DTD1: variants seen among roughly 807,000 people sequenced by gnomAD.
DTD1 encodes the protein D-aminoacyl-tRNA deacylase 1.
Under a neutral mutation model 25.6 loss-of-function variants are expected in DTD1, and 13 were observed. The observed-to-expected ratio is 0.51, with a 90% confidence interval of 0.33 to 0.81. DTD1 has a LOEUF of 0.81. Ranked by LOEUF, DTD1 falls within the 30% of genes least tolerant of loss-of-function variation. The pLI is 0.02. For missense variants in DTD1, 193 were observed against 266.4 expected (o/e 0.72, Z 1.92); for synonymous variants, 110 against 103.6 (o/e 1.06, Z -0.37).
chr20:18,724,305 C>T (rs1014292746), intron 4 of DTD1, among the ~76,000 whole-genome samples: 1 of 152,178 alleles, frequency 6.6e-6, no homozygotes, highest in Non-Finnish European at 1.5e-5. Context: ...ACATGGGTAC[C>T]TCCCACTGTG....
rs533736500 is a variant in DTD1, at chr20:18,600,852, G to T, written c.370+4611G>T. 2.9e-4 allele frequency among the ~76,000 whole-genome samples: 44 copies of T among 152,134 alleles called. No homozygotes were observed. In the South Asian group the frequency reaches 7.7e-3, roughly 27 times the overall value. ...ATACCTAAGTGTTTCATTCTGAGGG[G>T]TGCTAATGTAAATGGTATTGTGTTT... On this transcript the variant is annotated intron_variant, in intron 3 of 5. Coordinates refer to ENST00000377452, the MANE Select transcript of DTD1 (RefSeq NM_080820.6).
At chr20:18,622,530 TAATCATG>T (rs1268091193) in intron 3 of DTD1, among the ~76,000 whole-genome samples, 28 of 152,250 alleles carry the variant, frequency 1.8e-4, no homozygotes, top group Non-Finnish European at 4.0e-4. Context: ...ATGCATTTCC[TAATCATG>T]AGCCATGCTG....
chr20:18,735,545 G>C (rs2061251972), intron 4 of DTD1, among the ~76,000 whole-genome samples: 3 of 152,214 alleles, frequency 2.0e-5, no homozygotes, highest in Admixed American at 1.3e-4. Context: ...ATCTGTTCTT[G>C]ATTTTTCGGA....
At chr20:18,708,364 A>T (rs6105949) in intron 4 of DTD1, among the ~76,000 whole-genome samples, 54,896 of 70,320 alleles carry the variant, frequency 0.78, 22,508 homozygotes, top group Non-Finnish European at 0.9. Context: ...CTATATATAT[A>T]TTTTTTTTTG....
chr20:18,629,983 C>A (rs903718843), intron 4 of DTD1, among the ~76,000 whole-genome samples: 7 of 152,032 alleles, frequency 4.6e-5, no homozygotes, highest in Non-Finnish European at 2.9e-5. Flanking sequence ...CTGGGGATTC[C>A]AATTCAACAT....
rs1244223334 is a variant in DTD1, at chr20:18,764,439, G to A, written c.*1099G>A. On this transcript the variant is annotated 3_prime_UTR_variant, in exon 6 of 6. Coordinates refer to ENST00000377452, the MANE Select transcript of DTD1 (RefSeq NM_080820.6). ...TAGCTTTATTTATATATCTAATAAC[G>A]CTCGCATATATGCTCTCTGGAAAAT... is the stretch of plus-strand genomic sequence containing the variant. The A allele has an allele frequency of 2.0e-5, 3 of 152,120 alleles. No individual in the cohort carries two copies. Among genetic ancestry groups the A allele is most frequent in the Non-Finnish European group, 2.9e-5 (2 of 68,018 alleles). The allele number at this position is 152,120 out of a possible 1,614,324, so 9.4% of individuals were successfully genotyped here.
chr20:18,601,498 CAAAAAAAAA>C (rs1175102426), intron 3 of DTD1, among the ~76,000 whole-genome samples: 8 of 110,612 alleles, frequency 7.2e-5, no homozygotes, highest in African/African-American at 1.1e-4. Flanking sequence ...GACTCTGTCT[CAAAAAAAAA>C]AAAAAAAAAA....
At chr20:18,683,642 A>C (rs2061005630) in intron 4 of DTD1, among the ~76,000 whole-genome samples, 1 of 152,196 alleles carries the variant, frequency 6.6e-6, no homozygotes, top group Non-Finnish European at 1.5e-5. Context: ...CATAGGGCCC[A>C]ACAGGCTTTG....
intron 5 of DTD1, among the ~76,000 whole-genome samples, chr20:18,754,056 T>C (rs182271056): frequency 6.8e-6 from 1 of 146,228 alleles, no homozygotes; most frequent in East Asian, 2.0e-4. Context: ...AATAAATAGG[T>C]AAAAAAAAAA....
At chr20:18,704,859 AGCAT>A (rs986433012) in intron 4 of DTD1, among the ~76,000 whole-genome samples, 1 of 152,162 alleles carries the variant, frequency 6.6e-6, no homozygotes, top group African/African-American at 2.4e-5. Context: ...GAGATCAGGA[AGCAT>A]GTCCGGAAGC....
chr20:18,720,423 C>T (rs935958362), intron 4 of DTD1, among the ~76,000 whole-genome samples: 2 of 152,202 alleles, frequency 1.3e-5, no homozygotes, highest in African/African-American at 4.8e-5. Context: ...GCTTTTGTCC[C>T]TGAATTACCT....
At position 18,766,491 on chromosome 20, in the gene DTD1, C is replaced by G. The variant is rs940197755; in HGVS notation, c.*3151C>G. The G allele has an allele frequency of 2.6e-5, 4 of 152,066 alleles. No individual in the cohort carries two copies. The highest frequency in any genetic ancestry group is 5.9e-5 in the Non-Finnish European group (4 of 68,084). The allele number at this position is 152,066 out of a possible 1,614,324, so 9.4% of individuals were successfully genotyped here. On this transcript the variant is annotated 3_prime_UTR_variant, in exon 6 of 6. Coordinates refer to ENST00000377452, the MANE Select transcript of DTD1 (RefSeq NM_080820.6). The stretch of plus-strand genomic sequence containing the variant: ...GGGCGCGGTGGCTCACGCCTGTAAT[C>G]CCAGCACTTTGGGAGGCCGAGGCGG...
chr20:18,744,130 A>T lies in DTD1; in HGVS notation c.508A>T (p.Lys170Ter), dbSNP rs1310585403. 1.2e-6 allele frequency: 2 copies of T among 1,611,704 alleles called. No homozygotes were observed. ...AAAGCTCGAAAAACAGCAGCAGAGG[A>T]AAGAAAAGACCAGAGCTAAGGGACC... Reference protein sequence around the residue: ...LSKLEKQQQRKEKTRAKGPSE... With the variant: ...LSKLEKQQQR Residue 170 changes from lysine to a stop codon, truncating the protein, a stop_gained, in exon 5 of 6, where the codon AAA becomes TAA. Transcript: ENST00000377452. LOFTEE classifies it high-confidence loss of function.
intron 4 of DTD1, among the ~76,000 whole-genome samples, chr20:18,724,825 T>A (rs1438151481): frequency 6.6e-6 from 1 of 152,248 alleles, no homozygotes; most frequent in Non-Finnish European, 1.5e-5. Flanking sequence ...TGTGTAAGAT[T>A]TCCAAGAGAG....
intron 4 of DTD1, among the ~76,000 whole-genome samples, chr20:18,630,003 G>A (rs1372566947): frequency 6.6e-6 from 1 of 151,996 alleles, no homozygotes; most frequent in East Asian, 1.9e-4. Flanking sequence ...TGAGATTTGG[G>A]TGGGGACACA....
chr20:18,686,289 AATGT>A (rs1325231141), intron 4 of DTD1, among the ~76,000 whole-genome samples: 1 of 152,228 alleles, frequency 6.6e-6, no homozygotes, highest in Non-Finnish European at 1.5e-5. Flanking sequence ...CCATAATGTG[AATGT>A]ATCAGCTTTT....
Position 18,748,186 on chromosome 20 carries a change from C to T in DTD1, c.*19+3915C>T, listed in dbSNP as rs145238770. Among the ~76,000 whole-genome samples, 106 of 152,186 alleles carry T rather than the reference C, an allele frequency of 7.0e-4. 1 individual carries two copies. The East Asian group carries it at 0.018, about 25-fold the overall frequency. On this transcript the variant is annotated intron_variant, in intron 5 of 5. Transcript: ENST00000377452. ...ACACTGGCACGCATACACACACACA[C>T]ACACACACACACAAATACAAATTCA...
chr20:18,701,971 G>A (rs1046513331), intron 4 of DTD1, among the ~76,000 whole-genome samples: 1 of 152,178 alleles, frequency 6.6e-6, no homozygotes, highest in African/African-American at 2.4e-5. Flanking sequence ...TATACAGTGC[G>A]ATGCCTGAGG....
intron 4 of DTD1, among the ~76,000 whole-genome samples, chr20:18,708,307 T>TAA (rs1568677037): frequency 2.0e-5 from 1 of 51,104 alleles, no homozygotes; most frequent in African/African-American, 7.2e-5. Flanking sequence ...AATATATATA[T>TAA]TTTATATATA....
Sources: allele counts gnomAD v4.1 joint callset (sites outside exome capture counted in the v4.1 genomes callset), GRCh38; gene constraint gnomAD v4.1.1; transcripts MANE v1.5; gene names NCBI Gene and HGNC (gene_info 2026-07-23, HGNC 2026-07-21).